NRG4: variants seen among roughly 807,000 people sequenced by gnomAD.
NRG4 encodes neuregulin 4, also known as pro-neuregulin-4, membrane-bound isoform.
In NRG4, 10 loss-of-function variants were observed where a neutral mutation model predicts 15.0. That is an observed-to-expected ratio of 0.67 (90% CI 0.41 to 1.13). NRG4 has a LOEUF of 1.13. NRG4 is among the 50% of genes most tolerant of loss of function. The pLI, the probability that NRG4 is intolerant of heterozygous loss-of-function variation, is 0.00. For synonymous variants in NRG4, 41 were observed against 50.1 expected, an observed-to-expected ratio of 0.82 and a Z score of 0.77; for missense variants, 139 against 140.2, an observed-to-expected ratio of 0.99 and a Z score of 0.04.
At chr15:76,000,377 AG>A (rs2034368628) in intron 3 of NRG4, among the ~76,000 whole-genome samples, 1 of 152,198 alleles carries the variant, frequency 6.6e-6, no homozygotes, top group Admixed American at 6.5e-5. Context: ...CTAATATAAA[AG>A]CAATATATAA....
intron 4 of NRG4, among the ~76,000 whole-genome samples, chr15:75,959,336 T>G (rs2032401105): frequency 6.7e-6 from 1 of 149,364 alleles, no homozygotes; most frequent in African/African-American, 2.6e-5. Flanking sequence ...GAATAGCAGA[T>G]ATTCTTATAA....
intron 2 of NRG4, among the ~76,000 whole-genome samples, chr15:76,056,795 C>T (rs758281263): frequency 6.6e-6 from 1 of 152,236 alleles, no homozygotes; most frequent in East Asian, 1.9e-4. Flanking sequence ...AAAGCTTTAA[C>T]TCTGCTACCA....
intron 5 of NRG4, among the ~76,000 whole-genome samples, chr15:76,024,671 C>T (rs941280986): frequency 1.1e-4 from 16 of 152,216 alleles, no homozygotes; most frequent in Non-Finnish European, 2.1e-4. Context: ...TGTGCATACT[C>T]GCACCTTGAT....
At chr15:76,002,728 A>T (rs2034457910) in intron 3 of NRG4, among the ~76,000 whole-genome samples, 1 of 152,170 alleles carries the variant, frequency 6.6e-6, no homozygotes, top group Non-Finnish European at 1.5e-5. Context: ...AATACTAAAG[A>T]TAAAGCAGAA....
intron 3 of NRG4, among the ~76,000 whole-genome samples, chr15:76,001,341 T>C (rs144271450): frequency 5.3e-5 from 8 of 152,306 alleles, no homozygotes; most frequent in African/African-American, 1.7e-4. Flanking sequence ...AGGGTGAAAT[T>C]ATTTGTAGTA....
At chr15:76,046,110 A>G (rs1020209972) in intron 4 of NRG4, among the ~76,000 whole-genome samples, 3 of 150,978 alleles carry the variant, frequency 2.0e-5, no homozygotes, top group Non-Finnish European at 4.4e-5. Flanking sequence ...CAATAACTAC[A>G]AAAATATATA....
chr15:76,039,720 A>G (rs1322099607), intron 4 of NRG4, among the ~76,000 whole-genome samples: 2 of 152,150 alleles, frequency 1.3e-5, no homozygotes, highest in Admixed American at 6.5e-5. Flanking sequence ...AAATTCACAA[A>G]CCTAGAAAAA....
intron 5 of NRG4, among the ~76,000 whole-genome samples, chr15:75,954,607 T>G (rs1022868976): frequency 2.4e-4 from 37 of 151,636 alleles, no homozygotes; most frequent in Admixed American, 2.2e-3. Flanking sequence ...TGTATTTTAG[T>G]AGAGATGGGG....
At chr15:76,043,953 G>A (rs2035804968) in intron 4 of NRG4, among the ~76,000 whole-genome samples, 1 of 151,516 alleles carries the variant, frequency 6.6e-6, no homozygotes, top group Non-Finnish European at 1.5e-5. Flanking sequence ...TAGACTAATG[G>A]AACAGAACAC....
intron 5 of NRG4, among the ~76,000 whole-genome samples, chr15:76,017,755 A>G (rs1431641335): frequency 2.0e-5 from 3 of 152,044 alleles, no homozygotes; most frequent in Non-Finnish European, 2.9e-5. Flanking sequence ...GGCTGCTCTT[A>G]ACATTTTTTC....
chr15:75,963,713 G>T (rs1331621327), intron 3 of NRG4, among the ~76,000 whole-genome samples: 3 of 151,338 alleles, frequency 2.0e-5, no homozygotes, highest in African/African-American at 7.3e-5. Flanking sequence ...GGGAGGCGGA[G>T]GTTGCAGTGA....
At chr15:76,027,782 C>T (rs2141937067) in intron 5 of NRG4, among the ~76,000 whole-genome samples, 1 of 152,124 alleles carries the variant, frequency 6.6e-6, no homozygotes, top group African/African-American at 2.4e-5. Flanking sequence ...CATATTAGGA[C>T]ACAAAACAAG....
intron 4 of NRG4, among the ~76,000 whole-genome samples, chr15:76,037,694 T>C (rs1176494483): frequency 2.6e-5 from 4 of 151,994 alleles, no homozygotes; most frequent in Non-Finnish European, 4.4e-5. Flanking sequence ...TGAGACTTAC[T>C]GAGACACAAG....
intron 5 of NRG4, among the ~76,000 whole-genome samples, chr15:76,024,194 G>C (rs577227501): frequency 6.6e-6 from 1 of 152,346 alleles, no homozygotes; most frequent in South Asian, 2.1e-4. Context: ...CCCCTGGCTA[G>C]CATGCCCCCA....
At chr15:75,937,962 AAC>A (rs2030543811), downstream of NRG4, 1 of 152,222 alleles carries the variant, frequency 6.6e-6, no homozygotes, top group Non-Finnish European at 1.5e-5. Flanking sequence ...GGAAATTAAG[AAC>A]AGTTACATAT....
chr15:75,973,726 C>T (rs1265099441), intron 3 of NRG4, among the ~76,000 whole-genome samples: 1 of 152,136 alleles, frequency 6.6e-6, no homozygotes, highest in Non-Finnish European at 1.5e-5. Flanking sequence ...CTGACTTGAT[C>T]GTGGTGGATA....
chr15:75,962,672 T>C (rs2032588242), intron 3 of NRG4, among the ~76,000 whole-genome samples: 1 of 152,220 alleles, frequency 6.6e-6, no homozygotes, highest in Non-Finnish European at 1.5e-5. Flanking sequence ...CAAAGAACCA[T>C]AATATTTGGT....
intron 5 of NRG4, among the ~76,000 whole-genome samples, chr15:75,952,095 G>A (rs550993684): frequency 1.7e-4 from 26 of 152,036 alleles, no homozygotes; most frequent in Non-Finnish European, 2.5e-4. Context: ...ATACAATCAC[G>A]TACCATAAAA....
chr15:76,016,432 G>A (rs1245407447), upstream of NRG4, among the ~76,000 whole-genome samples: 4 of 152,062 alleles, frequency 2.6e-5, no homozygotes, highest in Admixed American at 6.6e-5. Context: ...TGATGTTAGG[G>A]TGTCAATTTT....
Sources: gnomAD v4.1 joint callset for allele counts (sites outside exome capture counted in the v4.1 genomes callset) on GRCh38, gnomAD v4.1.1 for gene constraint, MANE v1.5 for transcripts, NCBI Gene and HGNC (gene_info 2026-07-23, HGNC 2026-07-21) for gene names.